MAF: variants seen among roughly 807,000 people sequenced by gnomAD.
The protein encoded by MAF is MAF bZIP transcription factor.
A neutral mutation model predicts 22.0 loss-of-function variants in MAF; 10 were observed. The observed-to-expected ratio is 0.45, with a 90% CI of 0.28 to 0.77. The LOEUF is 0.77. MAF is among the 30% of genes least tolerant of loss of function. MAF has a pLI of 0.12. For synonymous variants in MAF, 337 were observed against 255.8 expected (o/e 1.32, Z -3.03); for missense variants, 544 against 548.4 (o/e 0.99, Z 0.08).
At chr16:79,532,241 C>G in the MAF span, among the ~76,000 whole-genome samples, 412 of 152,300 alleles carry the variant, frequency 2.7e-3, no homozygotes, top group Non-Finnish European at 4.7e-3. Context: ...GGCCCCCACT[C>G]TGGTTTGAGA....
At chr16:79,328,132 G>A in the MAF span, among the ~76,000 whole-genome samples, 4 of 152,202 alleles carry the variant, frequency 2.6e-5, no homozygotes, top group African/African-American at 9.7e-5. Context: ...TCCTATGGAA[G>A]TGATTAGCAC....
chr16:79,474,626 G>A, the MAF span, among the ~76,000 whole-genome samples: 1 of 152,142 alleles, frequency 6.6e-6, no homozygotes, highest in African/African-American at 2.4e-5. Context: ...CACAGCGTTG[G>A]AATCTGTCTG....
chr16:79,330,474 C>G, the MAF span, among the ~76,000 whole-genome samples: 4 of 152,188 alleles, frequency 2.6e-5, no homozygotes, highest in African/African-American at 4.8e-5. Context: ...GAGAGCCGTA[C>G]AGGAATGCTC....
At chr16:79,357,998 T>C in the MAF span, among the ~76,000 whole-genome samples, 2 of 152,242 alleles carry the variant, frequency 1.3e-5, no homozygotes, top group South Asian at 4.2e-4. Flanking sequence ...CGTGTGAAGG[T>C]ACTTGAATGG....
the MAF span, among the ~76,000 whole-genome samples, chr16:79,491,770 A>G: frequency 1.3e-5 from 2 of 152,224 alleles, no homozygotes; most frequent in Non-Finnish European, 2.9e-5. Context: ...GTCTCTTCCT[A>G]TGAGCCTTGG....
chr16:79,272,447 G>A, the MAF span, among the ~76,000 whole-genome samples: 4 of 152,298 alleles, frequency 2.6e-5, no homozygotes, highest in East Asian at 3.9e-4. Flanking sequence ...GTGACTCTAC[G>A]GCCAAAGACA....
chr16:79,562,270 C>A, the MAF span, among the ~76,000 whole-genome samples: 1 of 152,170 alleles, frequency 6.6e-6, no homozygotes, highest in Non-Finnish European at 1.5e-5. Context: ...TCTACACCAA[C>A]GAATTGTGAA....
the MAF span, among the ~76,000 whole-genome samples, chr16:79,482,376 G>T: frequency 6.6e-6 from 1 of 152,138 alleles, no homozygotes; most frequent in African/African-American, 2.4e-5. Context: ...ACCGCCTTCT[G>T]CCCCAACCTG....
At chr16:79,585,903 T>C in exon 2 of MAF, 1 of 683,606 alleles carries the variant, frequency 1.5e-6, no homozygotes, top group Non-Finnish European at 2.6e-6. Context: ...GGCAACTGGA[T>C]TTTTTCACAT....
At chr16:79,212,145 T>A in the MAF span, 1 of 1,517,026 alleles carries the variant, frequency 6.6e-7, no homozygotes. Context: ...GGTCCCCTCG[T>A]CCCATCCAGC....
chr16:79,212,122 T>G, the MAF span: 1 of 1,533,000 alleles, frequency 6.5e-7, no homozygotes, highest in Non-Finnish European at 8.7e-7. Flanking sequence ...TTTACTGTTA[T>G]AGAATAGCCT....
At chr16:79,401,194 G>A in the MAF span, among the ~76,000 whole-genome samples, 6 of 152,302 alleles carry the variant, frequency 3.9e-5, no homozygotes, top group Admixed American at 6.5e-5. Flanking sequence ...CTATTCTCCC[G>A]CGTGGATTTC....
chr16:79,475,380 G>GTGTGTGTGTGTA, the MAF span, among the ~76,000 whole-genome samples: 2 of 151,612 alleles, frequency 1.3e-5, no homozygotes, highest in Middle Eastern at 3.2e-3. Flanking sequence ...GTGTGTGTGT[G>GTGTGTGTGTGTA]TGTATGCAAG....
the MAF span, among the ~76,000 whole-genome samples, chr16:79,219,385 A>T: frequency 6.6e-6 from 1 of 151,984 alleles, no homozygotes; most frequent in Admixed American, 6.6e-5. Flanking sequence ...TAAGACTCAC[A>T]GCTTTTGTAC....
the MAF span, among the ~76,000 whole-genome samples, chr16:79,453,635 T>A: frequency 6.6e-6 from 1 of 152,208 alleles, no homozygotes; most frequent in African/African-American, 2.4e-5. Flanking sequence ...ATCAATTTGC[T>A]ATATTCTTTA....
chr16:79,384,272 C>T, the MAF span, among the ~76,000 whole-genome samples: 1 of 151,030 alleles, frequency 6.6e-6, no homozygotes, highest in South Asian at 2.1e-4. Context: ...GGTGAAACCC[C>T]ATCTATACTA....
chr16:79,405,107 C>G, the MAF span, among the ~76,000 whole-genome samples: 1 of 152,132 alleles, frequency 6.6e-6, no homozygotes, highest in Non-Finnish European at 1.5e-5. Flanking sequence ...CTCGAATACT[C>G]CCATATGCAG....
the MAF span, among the ~76,000 whole-genome samples, chr16:79,257,850 T>A: frequency 6.6e-6 from 1 of 152,304 alleles, no homozygotes; most frequent in African/African-American, 2.4e-5. Context: ...CTTATACTAT[T>A]GATGCTATTT....
the MAF span, among the ~76,000 whole-genome samples, chr16:79,546,809 A>T: frequency 0.068 from 10,321 of 152,242 alleles, 519 homozygotes; most frequent in Non-Finnish European, 0.088. Flanking sequence ...AGTTTAACCC[A>T]ACAACTGACC....
Sources: gnomAD v4.1 joint callset for allele counts (sites outside exome capture counted in the v4.1 genomes callset) on GRCh38, gnomAD v4.1.1 for gene constraint, MANE v1.5 for transcripts, NCBI Gene and HGNC (gene_info 2026-07-23, HGNC 2026-07-21) for gene names.